Variants in LANCL2 observed in about 807,000 individuals in gnomAD.
LANCL2 encodes LanC like glutathione S-transferase 2.
Under a neutral mutation model 56.9 loss-of-function variants are expected in LANCL2, and 33 were observed. That is an observed-to-expected ratio of 0.58 (90% confidence interval 0.44 to 0.78). The LOEUF is 0.78. Among genes scored for constraint, LANCL2 ranks in the 30% least tolerant of loss-of-function variants. The probability of loss-of-function intolerance (pLI) is 0.00; values close to 1 mark genes in which losing one functional copy is unlikely to be tolerated. For synonymous variants in LANCL2, 233 were observed against 228.2 expected, an observed-to-expected ratio of 1.02 and a Z score of -0.19; for missense variants, 562 against 580.2, an observed-to-expected ratio of 0.97 and a Z score of 0.32.
intron 7 of LANCL2, 110 bp downstream of exon 7, chr7:55,425,540 T>C (rs1022064526): frequency 2.0e-6 from 2 of 984,326 alleles, no homozygotes; most frequent in South Asian, 3.2e-5. Flanking sequence ...CTCCCAGTTC[T>C]GTAGCTTCCT....
At chr7:55,381,671 C>G (rs1340706252) in intron 1 of LANCL2, among the ~76,000 whole-genome samples, 3 of 152,086 alleles carry the variant, frequency 2.0e-5, no homozygotes, top group Non-Finnish European at 4.4e-5. Flanking sequence ...GGGACAGACC[C>G]CTGTAACAAA....
intron 6 of LANCL2, among the ~76,000 whole-genome samples, chr7:55,412,956 C>T (rs899381272): frequency 5.9e-5 from 9 of 152,014 alleles, no homozygotes; most frequent in Non-Finnish European, 1.2e-4. Flanking sequence ...TTACAGCTAC[C>T]GTAATAAATT....
chr7:55,384,369 C>A (rs182804353), intron 1 of LANCL2, among the ~76,000 whole-genome samples: 11 of 152,068 alleles, frequency 7.2e-5, no homozygotes, highest in African/African-American at 2.2e-4. Flanking sequence ...CTGGCTAACA[C>A]GGTGAAACCC....
At chr7:55,423,288 T>G (rs1583766292) in intron 6 of LANCL2, among the ~76,000 whole-genome samples, 1 of 152,308 alleles carries the variant, frequency 6.6e-6, no homozygotes, top group East Asian at 1.9e-4. Context: ...CAGGCTGCAT[T>G]GTGGGCATGG....
intron 6 of LANCL2, among the ~76,000 whole-genome samples, chr7:55,423,986 C>A (rs1790635561): frequency 6.6e-6 from 1 of 152,168 alleles, no homozygotes. Context: ...CATGCCCTGC[C>A]CCCCAACCTC....
At chr7:55,392,962 T>C (rs534319240) in intron 2 of LANCL2, among the ~76,000 whole-genome samples, 1 of 152,292 alleles carries the variant, frequency 6.6e-6, no homozygotes, top group South Asian at 2.1e-4. Context: ...ATTTGACTCA[T>C]TTGTGCACAT....
chr7:55,398,559 C>T lies in LANCL2; in HGVS notation c.459C>T (p.Gly153=). Residue 153 remains glycine, a synonymous_variant, in exon 3 of 9, where the codon GGC becomes GGT. Transcript: ENST00000254770. ...RRVTFLCGDA[G]PLAVGAVIYH... is the part of the protein sequence containing the mutation. The stretch of plus-strand genomic sequence containing the variant: ...TCACCTTCCTCTGTGGGGATGCTGG[C>T]CCCCTGGCTGTTGGAGCTGTGATTT... The T allele has an allele frequency of 1.2e-6, 2 of 1,614,066 alleles. No homozygotes were observed. The highest frequency in any genetic ancestry group is 1.7e-6 in the Non-Finnish European group (2 of 1,179,928).
chr7:55,400,895 T>A (rs6947421), intron 4 of LANCL2, among the ~76,000 whole-genome samples: 1 of 152,024 alleles, frequency 6.6e-6, no homozygotes, highest in Non-Finnish European at 1.5e-5. Context: ...TTATAAGAAG[T>A]TTTTCTAGAT....
At chr7:55,391,391 A>G (rs142046630) in intron 1 of LANCL2, among the ~76,000 whole-genome samples, 248 of 152,174 alleles carry the variant, frequency 1.6e-3, no homozygotes, top group Non-Finnish European at 3.2e-3. Flanking sequence ...GGGTCTAGTT[A>G]TGTATTATGT....
chr7:55,431,236 C>T lies in LANCL2; in HGVS notation c.1269C>T (p.Gly423=), dbSNP rs760716022. ...CATTTTACATTGCAGGCATGGCTGG[C>T]GCTATTCACTTTCTCTCTGATGTCC... ...RPYSLFEGMA[G]AIHFLSDVLG... The change falls in exon 9 of 9, where the codon GGC becomes GGT. Residue 423 remains glycine, a synonymous_variant. Coordinates refer to ENST00000254770, the MANE Select transcript of LANCL2 (RefSeq NM_018697.4). The T allele has an allele frequency of 1.1e-5, 18 of 1,611,936 alleles. No individual in the cohort carries two copies. Among genetic ancestry groups the T allele is most frequent in the South Asian group, 3.3e-5 (3 of 90,862 alleles).
At chr7:55,418,393 T>C (rs370798408) in intron 6 of LANCL2, among the ~76,000 whole-genome samples, 5 of 152,032 alleles carry the variant, frequency 3.3e-5, no homozygotes, top group African/African-American at 1.2e-4. Flanking sequence ...TTGACCAGGC[T>C]GGTCTCAAAC....
rs145764334 is a variant in LANCL2 at position 55,424,491 on chromosome 7, TCA to T, written c.1009-761_1009-760del. Among the ~76,000 whole-genome samples, 965 of 152,364 alleles carry T rather than the reference TCA, an allele frequency of 6.3e-3. 16 individuals carry two copies. Among genetic ancestry groups the T allele is most frequent in the East Asian group, 0.057 (297 of 5,186 alleles). On this transcript the variant is annotated intron_variant, in intron 6 of 8. Coordinates refer to ENST00000254770, the MANE Select transcript of LANCL2 (RefSeq NM_018697.4). ...ATACTCTTGCCCTGCTAACAGGGCCTCACTCTCTCGATTGCCTTCTACAAGAG... is the reference window on the plus strand; with the variant it reads ...ATACTCTTGCCCTGCTAACAGGGCCTCTCTCTCGATTGCCTTCTACAAGAG...
chr7:55,431,338 C>T lies in LANCL2; in HGVS notation c.*18C>T, dbSNP rs745570031. ...GGGATTAAAAGGTGCAAAAAGACAA[C>T]TAAAATACCCATTTGGACCAAAAGC... On this transcript the variant is annotated 3_prime_UTR_variant, in exon 9 of 9. Coordinates refer to ENST00000254770, the MANE Select transcript of LANCL2 (RefSeq NM_018697.4). 1.3e-6 allele frequency: 2 copies of T among 1,585,036 alleles called. No individual in the cohort carries two copies. Among genetic ancestry groups the T allele is most frequent in the East Asian group, 4.5e-5 (2 of 44,508 alleles).
rs866453382 is a variant in LANCL2, at chr7:55,371,255, T to C, written c.204+5026T>C. 4.6e-5 allele frequency among the ~76,000 whole-genome samples: 7 copies of C among 152,370 alleles called. No individual in the cohort carries two copies. The South Asian group carries it at 6.2e-4, about 14-fold the overall frequency. Reference sequence around the variant, plus strand: ...GTTTTGGGTTTTGTTTTGTTTTTTTTCGAGACAGGGTCTCACTCTGTTGTA... The same window carrying C: ...GTTTTGGGTTTTGTTTTGTTTTTTTCCGAGACAGGGTCTCACTCTGTTGTA... On this transcript the variant is annotated intron_variant, in intron 1 of 8. Coordinates refer to ENST00000254770, the MANE Select transcript of LANCL2 (RefSeq NM_018697.4).
At chr7:55,431,159 T>C in intron 8 of LANCL2, 67 bp from the exon 9 acceptor site, 1 of 1,168,156 alleles carries the variant, frequency 8.6e-7, no homozygotes, top group Admixed American at 2.5e-5. Context: ...AGGGAAATGA[T>C]TAAAAGTCAC....
At position 55,400,091 on chromosome 7, in the gene LANCL2, C is replaced by A; in HGVS notation, c.665C>A (p.Ser222Ter). 1 of 1,607,240 alleles carries A rather than the reference C, an allele frequency of 6.2e-7. No individual in the cohort carries two copies. The highest frequency in any genetic ancestry group is 1.1e-5 in the South Asian group (1 of 89,936). Residue 222 changes from serine (S) to a stop codon, truncating the protein, a stop_gained, in exon 4 of 9, where the codon TCA becomes TAA. Coordinates refer to ENST00000254770, the MANE Select transcript of LANCL2 (RefSeq NM_018697.4). LOFTEE classifies it high-confidence loss of function. Reference sequence around the variant, plus strand: ...ATAGGTCCAGGCACCGTGTGTGAGTCAGCTATTAAAGAGGTACTATGGGGT... The same window carrying A: ...ATAGGTCCAGGCACCGTGTGTGAGTAAGCTATTAAAGAGGTACTATGGGGT... ...TEIGPGTVCE[S>*]AIKEVVNAII... is the part of the protein sequence containing the mutation.
At position 55,394,975 on chromosome 7, in the gene LANCL2, G is replaced by A. The variant is rs74891142; in HGVS notation, c.322+3065G>A. Among the ~76,000 whole-genome samples, 243 of 152,264 alleles carry A rather than the reference G, an allele frequency of 1.6e-3. 2 individuals are homozygous for A. In the East Asian group the frequency reaches 0.023, roughly 14 times the overall value. ...TGGAGCGGCATCCTTGCTGGCCCCC[G>A]CTGACAGTGTAGGGAAGGAAGGAAG... On this transcript the variant is annotated intron_variant, in intron 2 of 8. Coordinates refer to ENST00000254770, the MANE Select transcript of LANCL2 (RefSeq NM_018697.4).
At position 55,391,836 on chromosome 7, in the gene LANCL2, ATCT is replaced by A; in HGVS notation, c.252_254del (p.Leu85del). The stretch of plus-strand genomic sequence containing the variant: ...AGACGGATCCAGACCAAAATTAAAG[ATCT>A]TCTGCAGCAAATGGAAGAAGGGCTG... On this transcript the variant is annotated inframe_deletion, in exon 2 of 9. Transcript: ENST00000254770. The A allele has an allele frequency of 1.9e-6, 3 of 1,612,754 alleles. No homozygotes were observed. The highest frequency in any genetic ancestry group is 2.5e-6 in the Non-Finnish European group (3 of 1,178,852).
chr7:55,417,122 G>A (rs1412971022), intron 6 of LANCL2, among the ~76,000 whole-genome samples: 2 of 151,966 alleles, frequency 1.3e-5, no homozygotes, highest in African/African-American at 4.8e-5. Context: ...TGGGACTACA[G>A]GCGCCCGTCA....
Sources: allele counts gnomAD v4.1 joint callset (sites outside exome capture counted in the v4.1 genomes callset), GRCh38; gene constraint gnomAD v4.1.1; transcripts MANE v1.5; gene names NCBI Gene and HGNC (gene_info 2026-07-23, HGNC 2026-07-21).